Variants in ARHGAP28 observed in about 807,000 individuals in gnomAD.
ARHGAP28 encodes the protein Rho GTPase activating protein 28, also known as rho GTPase-activating protein 28.
In ARHGAP28, 56 loss-of-function variants were observed where a neutral mutation model predicts 90.7. That is an observed-to-expected ratio of 0.62 (90% CI 0.50 to 0.77). ARHGAP28 has a LOEUF of 0.77. ARHGAP28 is among the 30% of genes least tolerant of loss of function. The probability of loss-of-function intolerance (pLI) is 0.00; values close to 1 mark genes in which losing one functional copy is unlikely to be tolerated. For synonymous variants in ARHGAP28, 308 were observed against 323.3 expected (o/e 0.95, Z 0.51); for missense variants, 869 against 900.9 (o/e 0.96, Z 0.45).
At chr18:6,789,741 A>T (rs75077424) in intron 1 of ARHGAP28, 2 of 152,170 alleles carry the variant, frequency 1.3e-5, no homozygotes, top group African/African-American at 4.8e-5. Context: ...TAATAAAGAC[A>T]CTCTATTAGT....
chr18:6,832,744 G>A (rs1049810211), intron 2 of ARHGAP28, among the ~76,000 whole-genome samples: 5 of 151,974 alleles, frequency 3.3e-5, no homozygotes, highest in South Asian at 2.1e-4. Context: ...TAGGGTTATT[G>A]TTTGCAAGAT....
Position 6,914,296 on chromosome 18 carries a change from C to T in ARHGAP28, c.*2142C>T, listed in dbSNP as rs1467924785. On this transcript the variant is annotated 3_prime_UTR_variant, in exon 18 of 18. Transcript: ENST00000383472. ...TTCATGTGGTTTTAAATGGCAGGGA[C>T]TTCGCTGAGTCAGTAAGTATAATCA... The T allele has an allele frequency of 6.6e-6, 1 of 152,122 alleles. No individual in the cohort carries two copies. The highest frequency in any genetic ancestry group is 6.5e-5 in the Admixed American group (1 of 15,274). The allele number at this position is 152,122 out of a possible 1,614,324, so 9.4% of individuals were successfully genotyped here. A position where few individuals can be genotyped will look rare whatever the true frequency, so the allele number is the denominator to read the frequency against.
intron 1 of ARHGAP28, chr18:6,788,458 GTTTT>G (rs1025602204): frequency 1.3e-5 from 2 of 148,300 alleles, no homozygotes; most frequent in African/African-American, 4.9e-5. Flanking sequence ...TTTTTTGTTT[GTTTT>G]TTTTTTGTTT....
intron 2 of ARHGAP28, among the ~76,000 whole-genome samples, chr18:6,828,472 TG>T (rs2056691970): frequency 6.6e-6 from 1 of 152,222 alleles, no homozygotes; most frequent in East Asian, 1.9e-4. Context: ...AAATTGCCTT[TG>T]GGAACTTGGC....
chr18:6,743,825 C>G (rs1400598690), intron 1 of ARHGAP28, among the ~76,000 whole-genome samples: 3 of 152,210 alleles, frequency 2.0e-5, no homozygotes, highest in Non-Finnish European at 4.4e-5. Flanking sequence ...TATTGAACCT[C>G]TCTATGCCAT....
At chr18:6,847,630 G>GTGT (rs113144982) in intron 3 of ARHGAP28, among the ~76,000 whole-genome samples, 17,655 of 150,326 alleles carry the variant, frequency 0.12, 1,415 homozygotes, top group East Asian at 0.34. Context: ...AGAGAGTGGG[G>GTGT]GTGTGTGTGT....
At chr18:6,766,734 A>G (rs2056202750) in intron 1 of ARHGAP28, among the ~76,000 whole-genome samples, 1 of 152,160 alleles carries the variant, frequency 6.6e-6, no homozygotes. Context: ...TTCTATACCC[A>G]GTGTGGCTCC....
At chr18:6,877,245 T>A (rs2057138300) in intron 10 of ARHGAP28, among the ~76,000 whole-genome samples, 2 of 152,148 alleles carry the variant, frequency 1.3e-5, no homozygotes, top group Admixed American at 6.5e-5. Context: ...GTCTATTGGA[T>A]CCTCCAGAAA....
intron 1 of ARHGAP28, among the ~76,000 whole-genome samples, chr18:6,759,370 G>A (rs2056139903): frequency 6.6e-6 from 1 of 152,156 alleles, no homozygotes; most frequent in African/African-American, 2.4e-5. Context: ...AAACGCCTGT[G>A]TTTAGATGTA....
chr18:6,759,963 C>T (rs2056145160), intron 1 of ARHGAP28, among the ~76,000 whole-genome samples: 1 of 152,134 alleles, frequency 6.6e-6, no homozygotes, highest in African/African-American at 2.4e-5. Flanking sequence ...AGAGGGACAT[C>T]AAATTGTAAT....
chr18:6,775,028 C>T (rs7230523), intron 1 of ARHGAP28, among the ~76,000 whole-genome samples: 4,453 of 152,252 alleles, frequency 0.029, 195 homozygotes, highest in African/African-American at 0.095. Flanking sequence ...GGCTCTTCTT[C>T]GGGAAACACA....
intron 1 of ARHGAP28, among the ~76,000 whole-genome samples, chr18:6,761,294 TATGG>T (rs1275751211): frequency 4.6e-5 from 7 of 152,162 alleles, no homozygotes. Context: ...GCAATCCACT[TATGG>T]TTTGTTCTGT....
chr18:6,868,100 G>A (rs34432375), intron 5 of ARHGAP28, 50 bp from the exon 6 acceptor site: 1 of 1,440,024 alleles, frequency 6.9e-7, no homozygotes, highest in South Asian at 1.1e-5. Context: ...ATGTGAGGTG[G>A]ACTGTATTTA....
At position 6,882,250 on chromosome 18, in the gene ARHGAP28, C is replaced by T. The variant is rs143398285; in HGVS notation, c.1404C>T (p.Thr468=). 546 of 1,613,990 alleles carry T rather than the reference C, an allele frequency of 3.4e-4. 1 individual carries two copies. The highest frequency in any genetic ancestry group is 4.4e-4 in the Non-Finnish European group (521 of 1,179,950). ...AAGCGTTTTTCAGAGAACTACCCACCTCTCTCTTCCCTGTGGAATATATAC... is the reference window on the plus strand; with the variant it reads ...AAGCGTTTTTCAGAGAACTACCCACTTCTCTCTTCCCTGTGGAATATATAC... ...MLKAFFRELP[T]SLFPVEYIPA... is the part of the protein sequence containing the mutation. Residue 468 remains threonine, a synonymous_variant, in exon 11 of 18, where the codon ACC becomes ACT. Coordinates refer to ENST00000383472, the MANE Select transcript of ARHGAP28 (RefSeq NM_001366230.1).
At chr18:6,744,620 A>C (rs2056006757) in intron 1 of ARHGAP28, among the ~76,000 whole-genome samples, 1 of 152,186 alleles carries the variant, frequency 6.6e-6, no homozygotes, top group Non-Finnish European at 1.5e-5. Context: ...GTAGCATGAA[A>C]TTGTTACCTA....
chr18:6,820,068 G>A (rs566144827), intron 1 of ARHGAP28, among the ~76,000 whole-genome samples: 15 of 152,262 alleles, frequency 9.9e-5, no homozygotes, highest in South Asian at 2.1e-4. Flanking sequence ...GCAACTGGTC[G>A]TTTTTATATC....
chr18:6,825,126 T>C (rs1281457305), intron 2 of ARHGAP28, among the ~76,000 whole-genome samples, 162 bp downstream of exon 2: 1 of 152,166 alleles, frequency 6.6e-6, no homozygotes, highest in Non-Finnish European at 1.5e-5. Context: ...TTATATCTAC[T>C]GTACTGGCTC....
intron 16 of ARHGAP28, among the ~76,000 whole-genome samples, chr18:6,901,472 G>T (rs2057337914): frequency 6.6e-6 from 1 of 150,490 alleles, no homozygotes. Flanking sequence ...AGGTGATCGG[G>T]TTAATATTAA....
intron 1 of ARHGAP28, among the ~76,000 whole-genome samples, chr18:6,768,893 CA>C (rs1173034269): frequency 3.9e-5 from 6 of 152,098 alleles, no homozygotes; most frequent in Admixed American, 6.6e-5. Flanking sequence ...TTCTCTCAGG[CA>C]TCACATCTTC....
Sources: gnomAD v4.1 joint callset for allele counts (sites outside exome capture counted in the v4.1 genomes callset) on GRCh38, gnomAD v4.1.1 for gene constraint, MANE v1.5 for transcripts, NCBI Gene and HGNC (gene_info 2026-07-23, HGNC 2026-07-21) for gene names.